PDIA2: variants seen among roughly 807,000 people sequenced by gnomAD.
PDIA2 encodes protein disulfide isomerase family A member 2, also known as protein disulfide-isomerase A2.
Under a neutral mutation model 51.1 loss-of-function variants are expected in PDIA2, and 76 were observed. The ratio of observed to expected loss-of-function variants is 1.49; its 90% CI spans 1.24 to 1.80. The LOEUF (loss-of-function observed/expected upper bound fraction) is 1.80, where lower values mean the gene tolerates loss of function less well. Ranked by LOEUF, PDIA2 falls within the 40% of genes most tolerant of loss-of-function variation. PDIA2 has a pLI of 0.00. For synonymous variants in PDIA2, 429 were observed against 309.9 expected, an observed-to-expected ratio of 1.38 and a Z score of -4.04; for missense variants, 946 against 706.5, an observed-to-expected ratio of 1.34 and a Z score of -3.84.
In PDIA2 at chr16:284,529, G is replaced by T; in HGVS notation, c.342G>T (p.Val114=). The T allele has an allele frequency of 6.2e-7, 1 of 1,612,564 alleles. No individual in the cohort carries two copies. The highest frequency in any genetic ancestry group is 8.5e-7 in the Non-Finnish European group (1 of 1,179,676). Residue 114 remains valine (V), a synonymous_variant, in exon 2 of 11, where the codon GTG becomes GTT. Transcript: ENST00000219406. The part of the protein sequence containing the change: ...AQRELAEEFG[V]TEYPTLKFFR... ...GCGAGCTGGCTGAGGAGTTTGGTGT[G>T]ACGGAGTACCCTACGCTCAAGTTCT... is the stretch of plus-strand genomic sequence containing the variant.
At position 283,342 on chromosome 16, in the gene PDIA2, AGCACCCTGCCCTGCTGGT is replaced by A. The variant is rs1483455739; in HGVS notation, c.175_192del (p.His59_Val64del). The A allele has an allele frequency of 6.2e-7, 1 of 1,606,810 alleles. No homozygotes were observed. The highest frequency in any genetic ancestry group is 8.5e-7 in the Non-Finnish European group (1 of 1,177,178). ...CACACCCTGGGCCTGGCCCTGCGGG[AGCACCCTGCCCTGCTGGT>A]GGAATTCTGTGAGTGCTGGGGCCAG... On this transcript the variant is annotated inframe_deletion, in exon 1 of 11. Transcript: ENST00000219406.
At chr16:285,468 GGA>G (rs752617337) in intron 6 of PDIA2, 31 bp downstream of exon 6, 49 of 1,611,750 alleles carry the variant, frequency 3.0e-5, no homozygotes, top group Non-Finnish European at 4.2e-5. Flanking sequence ...AGGGGCAGCG[GGA>G]GAGTGGCCGG....
At chr16:286,204 GGAC>G (rs2141451980) in intron 7 of PDIA2, 146 bp from the exon 8 acceptor site, 1 of 4,792 alleles carries the variant, frequency 2.1e-4, no homozygotes, top group Admixed American at 2.8e-3. Context: ...GCCCCGCACA[GGAC>G]CTCCCCCCCA....
Position 283,355 on chromosome 16 carries a change from G to C in PDIA2, c.186G>C (p.Leu62=). 2 of 1,599,506 alleles carry C rather than the reference G, an allele frequency of 1.3e-6. No homozygotes were observed. Among genetic ancestry groups the C allele is most frequent in the South Asian group, 1.1e-5 (1 of 89,556 alleles). ...TGGCCCTGCGGGAGCACCCTGCCCT[G>C]CTGGTGGAATTCTGTGAGTGCTGGG... ...LGLALREHPA[L]LVEFYAPWCG... The change falls in exon 1 of 11, where the codon CTG becomes CTC. Residue 62 remains leucine (L), a synonymous_variant. Coordinates refer to ENST00000219406, the MANE Select transcript of PDIA2 (RefSeq NM_006849.4).
Position 284,410 on chromosome 16 carries a change from C to T in PDIA2, c.223C>T (p.Gln75Ter), listed in dbSNP as rs2052325554. ...EFYAPWCGHC[Q>*]ALAPEYSKAA... ...AGATGCCCCGTGGTGTGGGCACTGCCAGGCCCTGGCCCCCGAGTACAGCAA... is the reference window on the plus strand; with the variant it reads ...AGATGCCCCGTGGTGTGGGCACTGCTAGGCCCTGGCCCCCGAGTACAGCAA... Residue 75 changes from glutamine to a stop codon, truncating the protein, a stop_gained, in exon 2 of 11, where the codon CAG (glutamine) becomes TAG (stop). Transcript: ENST00000219406. LOFTEE classifies it high-confidence loss of function. 1.4e-5 allele frequency: 22 copies of T among 1,570,978 alleles called. No homozygotes were observed. The highest frequency in any genetic ancestry group is 1.7e-5 in the Non-Finnish European group (20 of 1,163,048).
At position 285,436 on chromosome 16, in the gene PDIA2, A is replaced by G. The variant is rs762217040; in HGVS notation, c.920A>G (p.Gln307Arg). The change falls in exon 6 of 11, where the codon CAG becomes CGG. Residue 307 changes from glutamine to arginine, a missense_variant and splice_region_variant. Coordinates refer to ENST00000219406, the MANE Select transcript of PDIA2 (RefSeq NM_006849.4). ...FGEAAPRFRG[Q>R]VLFVVVDVAA... is the part of the protein sequence containing the mutation. ...GAGGCAGCTCCCCGCTTCCGGGGGC[A>G]GGTACTGGGGGGCTGGGGGAAAGGG... 1.2e-5 allele frequency: 18 copies of G among 1,445,820 alleles called. No homozygotes were observed. In the South Asian group the frequency reaches 1.8e-4, roughly 15 times the overall value. 89.6% of individuals were successfully genotyped at this position (1,445,820 alleles called of 1,614,324 possible).
At position 285,401 on chromosome 16, in the gene PDIA2, G is replaced by T. The variant is rs374420213; in HGVS notation, c.885G>T (p.Ala295=). Residue 295 remains alanine, a synonymous_variant, in exon 6 of 11, where the codon GCG becomes GCT. Transcript: ENST00000219406. Reference sequence around the variant, plus strand: ...TGGCTGCGCACCGGGAGCTCCTAGCGGGCTTTGGGGAGGCAGCTCCCCGCT... The same window carrying T: ...TGGCTGCGCACCGGGAGCTCCTAGCTGGCTTTGGGGAGGCAGCTCCCCGCT... ...QTLAAHRELL[A]GFGEAAPRFR... is the part of the protein sequence containing the mutation. 6.2e-7 allele frequency: 1 copy of T among 1,612,268 alleles called. No homozygotes were observed. Among genetic ancestry groups the T allele is most frequent in the Non-Finnish European group, 8.5e-7 (1 of 1,179,676 alleles).
chr16:284,874 T>TCAGGACCTG lies in PDIA2; in HGVS notation c.544_552dup. 6.2e-7 allele frequency: 1 copy of TCAGGACCTG among 1,612,244 alleles called. No homozygotes were observed. The highest frequency in any genetic ancestry group is 1.3e-5 in the African/African-American group (1 of 75,044). On this transcript the variant is annotated splice_polypyrimidine_tract_variant and splice_region_variant and intron_variant, in intron 3 of 10. Coordinates refer to ENST00000219406, the MANE Select transcript of PDIA2 (RefSeq NM_006849.4). ...GGGTGGCCTCACAGGGCCAGGCCCC[T>TCAGGACCTG]CAGGACCTGCAGGACGAGGACGTGG...
chr16:285,155 C>T lies in PDIA2; in HGVS notation c.750C>T (p.Phe250=). The part of the protein sequence containing the change: ...LGLDLGDLSR[F]LVTHSMRLVT... ...TGGACCTGGGGGATCTGTCGCGCTT[C>T]CTGGTCACACACAGCATGCGCCTGG... Residue 250 remains phenylalanine (F), a synonymous_variant, in exon 5 of 11, where the codon TTC becomes TTT. Coordinates refer to ENST00000219406, the MANE Select transcript of PDIA2 (RefSeq NM_006849.4). The T allele has an allele frequency of 1.2e-6, 2 of 1,613,076 alleles. No individual in the cohort carries two copies. Among genetic ancestry groups the T allele is most frequent in the Non-Finnish European group, 1.7e-6 (2 of 1,179,990 alleles).
chr16:286,175 T>C (rs1455128912), intron 7 of PDIA2, among the ~76,000 whole-genome samples, 178 bp from the exon 8 acceptor site: 4 of 10,820 alleles, frequency 3.7e-4, no homozygotes, highest in East Asian at 1.7e-3. Context: ...GCAGAGGATC[T>C]CCCCCCCACC....
Position 286,436 on chromosome 16 carries a change from G to C in PDIA2, c.1203G>C (p.Val401=), listed in dbSNP as rs756917343. ...KTLVGKNFEQ[V]AFDETKNVFV... ...TCGTGGGCAAGAATTTTGAGCAGGT[G>C]GCTTTTGACGAAACCAAGAATGTGT... Residue 401 remains valine, a synonymous_variant, in exon 8 of 11, where the codon GTG becomes GTC. Transcript: ENST00000219406. 3 of 1,613,044 alleles carry C rather than the reference G, an allele frequency of 1.9e-6. No individual in the cohort carries two copies. Among genetic ancestry groups the C allele is most frequent in the Non-Finnish European group, 2.5e-6 (3 of 1,179,910 alleles).
Position 286,828 on chromosome 16 carries a change from T to G in PDIA2, c.1423-7T>G, listed in dbSNP as rs764157387. On this transcript the variant is annotated splice_region_variant and splice_polypyrimidine_tract_variant and intron_variant, in intron 9 of 10. Coordinates refer to ENST00000219406, the MANE Select transcript of PDIA2 (RefSeq NM_006849.4). ...CGTGTCCTCCAGATCCCCCTGCCTC[T>G]TCTCAGGTGATTGAATACAAAAGCA... 4 of 1,611,054 alleles carry G rather than the reference T, an allele frequency of 2.5e-6. No homozygotes were observed. The African/African-American group carries it at 4.0e-5, about 16-fold the overall frequency.
chr16:285,654 C>T lies in PDIA2; in HGVS notation c.1070C>T (p.Ala357Val), dbSNP rs375852621. The T allele has an allele frequency of 2.0e-4, 317 of 1,613,140 alleles. No homozygotes were observed. Among genetic ancestry groups the T allele is most frequent in the Non-Finnish European group, 2.5e-4 (297 of 1,179,974 alleles). Residue 357 changes from alanine (A) to valine (V), a missense_variant, in exon 7 of 11, where the codon GCA (alanine) becomes GTA (valine). Transcript: ENST00000219406. ...YAPVDGGPVT[A>V]ASITAFCHAV... The stretch of plus-strand genomic sequence containing the variant: ...CCTGTGGATGGGGGCCCTGTCACCG[C>T]AGCGTCCATCACTGCTTTCTGCCAT...
chr16:286,023 TCCAACCCCGCGGTTCTC>T (rs1205318362), intron 7 of PDIA2, among the ~76,000 whole-genome samples: 7 of 31,650 alleles, frequency 2.2e-4, no homozygotes, highest in Non-Finnish European at 3.7e-4. Context: ...CCCGCGGTTC[TCCAACCCCGCGGTTCTC>T]CCAACCCCAA....
intron 7 of PDIA2, 88 bp from the exon 8 acceptor site, chr16:286,265 A>AC: frequency 4.2e-6 from 1 of 236,004 alleles, no homozygotes; most frequent in Non-Finnish European, 6.9e-6. Flanking sequence ...CCCGCACAGG[A>AC]CCTCCCCCCC....
In PDIA2 at chr16:286,873, C is replaced by A; in HGVS notation, c.1461C>A (p.Phe487Leu). 6.2e-7 allele frequency: 1 copy of A among 1,607,176 alleles called. No homozygotes were observed. Among genetic ancestry groups the A allele is most frequent in the Middle Eastern group, 1.7e-4 (1 of 6,022 alleles). The change falls in exon 10 of 11, where the codon TTC becomes TTA. Residue 487 changes from phenylalanine to leucine, a missense_variant. Transcript: ENST00000219406. ...EYKSTRDLET[F>L]SKFLDNGGVL... ...AAAGCACCAGGGACCTGGAGACTTTCTCCAAGTTCCTGGACAACGGGGGCG... is the reference window on the plus strand; with the variant it reads ...AAAGCACCAGGGACCTGGAGACTTTATCCAAGTTCCTGGACAACGGGGGCG...
At position 284,949 on chromosome 16, in the gene PDIA2, C is replaced by T. The variant is rs1402452271; in HGVS notation, c.612C>T (p.Leu204=). 1 of 1,613,280 alleles carries T rather than the reference C, an allele frequency of 6.2e-7. No homozygotes were observed. Among genetic ancestry groups the T allele is most frequent in the East Asian group, 2.2e-5 (1 of 44,896 alleles). The change falls in exon 4 of 11, where the codon CTC becomes CTT. Residue 204 remains leucine, a synonymous_variant. Transcript: ENST00000219406. ...ACGCCCTGGACATGACCTTTGGCCT[C>T]ACAGACCGGCCGCGGCTCTTTCAGC... ...AQDALDMTFG[L]TDRPRLFQQF...
intron 1 of PDIA2, among the ~76,000 whole-genome samples, chr16:283,837 C>T (rs2052317775): frequency 1.3e-5 from 2 of 152,274 alleles, no homozygotes; most frequent in South Asian, 4.1e-4. Context: ...GGAGCCCCAG[C>T]CATACAAGGC....
Position 284,958 on chromosome 16 carries a change from G to T in PDIA2, c.621G>T (p.Arg207=). 6.2e-7 allele frequency: 1 copy of T among 1,613,408 alleles called. No homozygotes were observed. Among genetic ancestry groups the T allele is most frequent in the Non-Finnish European group, 8.5e-7 (1 of 1,180,028 alleles). Residue 207 remains arginine (R), a synonymous_variant, in exon 4 of 11, where the codon CGG becomes CGT. Coordinates refer to ENST00000219406, the MANE Select transcript of PDIA2 (RefSeq NM_006849.4). ...ACATGACCTTTGGCCTCACAGACCG[G>T]CCGCGGCTCTTTCAGCAGTTTGGCC... ...ALDMTFGLTD[R]PRLFQQFGLT... is the part of the protein sequence containing the mutation.
Sources: gnomAD v4.1 joint callset for allele counts (sites outside exome capture counted in the v4.1 genomes callset) on GRCh38, gnomAD v4.1.1 for gene constraint, MANE v1.5 for transcripts, NCBI Gene and HGNC (gene_info 2026-07-23, HGNC 2026-07-21) for gene names.